Variants in PTPRK observed in about 807,000 individuals in gnomAD.
PTPRK encodes the protein protein tyrosine phosphatase receptor type K.
PTPRK carries 75 observed loss-of-function variants against 178.0 expected under a neutral mutation model. The ratio of observed to expected loss-of-function variants is 0.42; its 90% CI spans 0.35 to 0.51. The LOEUF (loss-of-function observed/expected upper bound fraction) is 0.51, where lower values mean the gene tolerates loss of function less well. PTPRK is among the 20% of genes least tolerant of loss of function. The pLI, the probability that PTPRK is intolerant of heterozygous loss-of-function variation, is 0.02. For synonymous variants in PTPRK, 637 were observed against 620.6 expected (o/e 1.03, Z -0.39); for missense variants, 1,441 against 1,797.8 (o/e 0.80, Z 3.59).
At chr6:127,981,091 A>C in intron 25 of PTPRK, 25 bp downstream of exon 25, 1 of 1,605,810 alleles carries the variant, frequency 6.2e-7, no homozygotes. Context: ...AACACTCTAC[A>C]CTAACAAAGA....
intron 7 of PTPRK, among the ~76,000 whole-genome samples, chr6:128,110,632 T>C (rs984964960): frequency 1.3e-5 from 2 of 150,926 alleles, no homozygotes; most frequent in African/African-American, 2.4e-5. Context: ...AAAAAAAAAA[T>C]GTCAATATAG....
At chr6:128,163,856 G>A (rs922430381) in intron 7 of PTPRK, among the ~76,000 whole-genome samples, 11 of 151,442 alleles carry the variant, frequency 7.3e-5, no homozygotes, top group African/African-American at 2.7e-4. Context: ...TGAAGTCATT[G>A]TTGCTACTAA....
At chr6:128,227,839 G>A (rs1811614349) in intron 5 of PTPRK, among the ~76,000 whole-genome samples, 2 of 151,902 alleles carry the variant, frequency 1.3e-5, no homozygotes, top group African/African-American at 2.4e-5. Flanking sequence ...TGACAATTAA[G>A]GAAAATTAGA....
chr6:127,997,976 T>C (rs771256566), intron 16 of PTPRK, among the ~76,000 whole-genome samples: 8 of 152,260 alleles, frequency 5.3e-5, no homozygotes, highest in Non-Finnish European at 1.2e-4. Context: ...TCATGGGTAG[T>C]GGACTGGCTT....
At chr6:128,176,156 T>A (rs1035042847) in intron 7 of PTPRK, among the ~76,000 whole-genome samples, 1 of 151,866 alleles carries the variant, frequency 6.6e-6, no homozygotes, top group Non-Finnish European at 1.5e-5. Context: ...TGTGTACATA[T>A]ATATATGCAT....
chr6:128,357,753 C>A (rs1834148957), intron 2 of PTPRK, among the ~76,000 whole-genome samples: 1 of 152,138 alleles, frequency 6.6e-6, no homozygotes, highest in Non-Finnish European at 1.5e-5. Flanking sequence ...GTTTCCATTC[C>A]TGGCACCTTA....
intron 5 of PTPRK, among the ~76,000 whole-genome samples, chr6:128,220,185 A>T (rs189587442): frequency 2.2e-4 from 33 of 152,322 alleles, no homozygotes; most frequent in South Asian, 4.1e-4. Context: ...ACAAGTCACA[A>T]ATAGTGATAA....
chr6:128,022,480 A>G (rs578242564), intron 13 of PTPRK, among the ~76,000 whole-genome samples: 2 of 152,272 alleles, frequency 1.3e-5, no homozygotes, highest in Admixed American at 6.5e-5. Flanking sequence ...ATTATTTTCA[A>G]ATCCACTGAA....
intron 2 of PTPRK, among the ~76,000 whole-genome samples, chr6:128,381,207 A>G (rs943392443): frequency 6.6e-6 from 1 of 152,348 alleles, no homozygotes; most frequent in African/African-American, 2.4e-5. Context: ...TTTTTTAATT[A>G]GAATGACCAC....
chr6:128,058,919 T>C (rs1305231041), intron 13 of PTPRK, among the ~76,000 whole-genome samples: 2 of 152,038 alleles, frequency 1.3e-5, no homozygotes, highest in South Asian at 2.1e-4. Flanking sequence ...CTGTCATTTA[T>C]TGAAAAGGGT....
intron 2 of PTPRK, among the ~76,000 whole-genome samples, chr6:128,378,673 G>A (rs1028969060): frequency 6.6e-6 from 1 of 152,030 alleles, no homozygotes; most frequent in Non-Finnish European, 1.5e-5. Flanking sequence ...TAATGTATAT[G>A]CATAATCGTT....
intron 7 of PTPRK, among the ~76,000 whole-genome samples, chr6:128,147,497 T>C (rs1003095191): frequency 6.6e-6 from 1 of 152,182 alleles, no homozygotes; most frequent in Non-Finnish European, 1.5e-5. Flanking sequence ...ATTTATACAT[T>C]TTTTACCCTT....
intron 15 of PTPRK, 61 bp downstream of exon 15, chr6:128,005,023 G>A (rs1343630851): frequency 5.6e-6 from 8 of 1,426,912 alleles, no homozygotes; most frequent in Non-Finnish European, 7.7e-6. Context: ...AAGGTATCGT[G>A]TAGAATTCAA....
At chr6:128,023,919 C>T (rs1411283495) in intron 13 of PTPRK, among the ~76,000 whole-genome samples, 1 of 152,040 alleles carries the variant, frequency 6.6e-6, no homozygotes, top group Non-Finnish European at 1.5e-5. Flanking sequence ...ATCTGCCTGC[C>T]TTGGCCTCCC....
intron 7 of PTPRK, among the ~76,000 whole-genome samples, chr6:128,131,426 G>C (rs1937397156): frequency 6.6e-6 from 1 of 152,126 alleles, no homozygotes. Context: ...GCTCTAGTCT[G>C]CATCTACTTG....
chr6:128,094,043 A>G (rs1296772595), intron 7 of PTPRK, among the ~76,000 whole-genome samples: 9 of 152,322 alleles, frequency 5.9e-5, no homozygotes, highest in African/African-American at 2.2e-4. Flanking sequence ...TAAATAATAC[A>G]AAAAATGGAA....
chr6:128,205,744 C>T (rs1367368080), intron 6 of PTPRK, among the ~76,000 whole-genome samples: 1 of 125,050 alleles, frequency 8.0e-6, no homozygotes, highest in Non-Finnish European at 1.5e-5. Flanking sequence ...GAACTCTAGC[C>T]TGGACAACAC....
intron 1 of PTPRK, among the ~76,000 whole-genome samples, chr6:128,412,672 AT>A (rs1842436345): frequency 6.6e-6 from 1 of 152,202 alleles, no homozygotes; most frequent in Non-Finnish European, 1.5e-5. Flanking sequence ...AAGAAGATAC[AT>A]TTTTGTACAA....
chr6:128,295,477 A>G (rs530863634), intron 3 of PTPRK, among the ~76,000 whole-genome samples: 2 of 152,272 alleles, frequency 1.3e-5, no homozygotes, highest in South Asian at 4.1e-4. Context: ...AGTAACACTA[A>G]GTAGTAAAAG....
Sources: allele counts gnomAD v4.1 joint callset (sites outside exome capture counted in the v4.1 genomes callset), GRCh38; gene constraint gnomAD v4.1.1; transcripts MANE v1.5; gene names NCBI Gene and HGNC (gene_info 2026-07-23, HGNC 2026-07-21).